Variants in DCDC2 observed in about 807,000 individuals in gnomAD.
The protein encoded by DCDC2 is doublecortin domain containing 2.
A neutral mutation model predicts 50.2 loss-of-function variants in DCDC2; 40 were observed. That is an observed-to-expected ratio of 0.80 (90% CI 0.62 to 1.04). The LOEUF is 1.04. DCDC2 is among the 50% of genes least tolerant of loss of function. The pLI, the probability that DCDC2 is intolerant of heterozygous loss-of-function variation, is 0.00. For missense variants in DCDC2, 570 were observed against 581.9 expected, an observed-to-expected ratio of 0.98 and a Z score of 0.21; for synonymous variants, 234 against 210.6, an observed-to-expected ratio of 1.11 and a Z score of -0.96.
At chr6:24,212,698 C>CT (rs373530855) in intron 7 of DCDC2, among the ~76,000 whole-genome samples, 47 of 152,316 alleles carry the variant, frequency 3.1e-4, no homozygotes, top group African/African-American at 1.1e-3. Context: ...CAGCTCTCAT[C>CT]TTTTTTTCTT....
chr6:24,272,948 G>A (rs1288564021), intron 7 of DCDC2, among the ~76,000 whole-genome samples: 1 of 151,828 alleles, frequency 6.6e-6, no homozygotes, highest in East Asian at 1.9e-4. Context: ...GCAAAGATAT[G>A]GAATCAACCT....
intron 8 of DCDC2, among the ~76,000 whole-genome samples, chr6:24,198,252 GT>G (rs1761490138): frequency 6.7e-6 from 1 of 150,364 alleles, no homozygotes; most frequent in South Asian, 2.1e-4. Context: ...GCAGCTCCCA[GT>G]GAGATCAACA....
At chr6:24,278,027 A>T in intron 7 of DCDC2, 22 bp downstream of exon 7, 1 of 1,574,258 alleles carries the variant, frequency 6.4e-7, no homozygotes, top group Non-Finnish European at 8.7e-7. Flanking sequence ...TCACAGCCTT[A>T]AGATAATAAT....
the DCDC2 span, among the ~76,000 whole-genome samples, chr6:24,368,293 A>T: frequency 6.6e-6 from 1 of 152,186 alleles, no homozygotes; most frequent in Non-Finnish European, 1.5e-5. Flanking sequence ...AGAGGCATTA[A>T]CTAAAGTTTT....
At chr6:24,269,982 A>G (rs1312879652) in intron 7 of DCDC2, among the ~76,000 whole-genome samples, 2 of 152,116 alleles carry the variant, frequency 1.3e-5, no homozygotes, top group East Asian at 1.9e-4. Context: ...TAAAAAGTTA[A>G]TATGAAATAG....
chr6:24,269,084 A>C (rs1281935106), intron 7 of DCDC2, among the ~76,000 whole-genome samples: 1 of 152,258 alleles, frequency 6.6e-6, no homozygotes, highest in Non-Finnish European at 1.5e-5. Flanking sequence ...TTTGAAAATA[A>C]CTAGGGCAAT....
chr6:24,316,622 A>G (rs1249467233), intron 2 of DCDC2, among the ~76,000 whole-genome samples: 1 of 152,178 alleles, frequency 6.6e-6, no homozygotes, highest in Non-Finnish European at 1.5e-5. Flanking sequence ...TACTGATAAC[A>G]TTTTAAATTA....
intron 7 of DCDC2, among the ~76,000 whole-genome samples, chr6:24,263,098 C>G (rs370578665): frequency 9.9e-5 from 15 of 152,244 alleles, no homozygotes; most frequent in East Asian, 9.6e-4. Context: ...GCAGGGAATT[C>G]TCTTGGATCT....
intron 7 of DCDC2, among the ~76,000 whole-genome samples, chr6:24,235,777 CT>C (rs1762430277): frequency 6.6e-6 from 1 of 152,128 alleles, no homozygotes; most frequent in South Asian, 2.1e-4. Context: ...TACAAAAGCA[CT>C]GTACAAAAAT....
chr6:24,335,306 A>G (rs1466784121), intron 2 of DCDC2, among the ~76,000 whole-genome samples: 2 of 152,194 alleles, frequency 1.3e-5, no homozygotes, highest in East Asian at 3.8e-4. Flanking sequence ...CGATAACTAA[A>G]GAGACTTGAG....
chr6:24,355,527 G>A (rs2127256350), intron 1 of DCDC2, among the ~76,000 whole-genome samples: 1 of 152,270 alleles, frequency 6.6e-6, no homozygotes, highest in East Asian at 1.9e-4. Flanking sequence ...TTTTATCACA[G>A]CCCTGTGTGG....
At chr6:24,176,189 A>T (rs146348254) in intron 9 of DCDC2, among the ~76,000 whole-genome samples, 83 of 152,244 alleles carry the variant, frequency 5.5e-4, no homozygotes, top group African/African-American at 1.8e-3. Context: ...CAGCTATCAC[A>T]GGAGGATGAA....
intron 2 of DCDC2, among the ~76,000 whole-genome samples, chr6:24,332,994 A>T (rs920402510): frequency 6.6e-6 from 1 of 152,222 alleles, no homozygotes; most frequent in African/African-American, 2.4e-5. Flanking sequence ...GGCCTGATGT[A>T]TATCAATAAT....
rs1408345163 is a variant in DCDC2 at position 24,172,938 on chromosome 6, A to G, written c.*1792T>C. 1 of 151,728 alleles carries G rather than the reference A, an allele frequency of 6.6e-6. No homozygotes were observed. Among genetic ancestry groups the G allele is most frequent in the African/African-American group, 2.4e-5 (1 of 41,334 alleles). 9.4% of individuals were successfully genotyped at this position (151,728 alleles called of 1,614,324 possible). A position where few individuals can be genotyped will look rare whatever the true frequency, so the allele number is the denominator to read the frequency against. ...GAGGCAGAGGTTGCAGTAAGCCAAG[A>G]TCATGCCACTGCACCCAGCCTGGGC... On this transcript the variant is annotated 3_prime_UTR_variant, in exon 10 of 10. Transcript: ENST00000378454.
At chr6:24,215,547 T>C (rs1311825913) in intron 7 of DCDC2, among the ~76,000 whole-genome samples, 1 of 152,028 alleles carries the variant, frequency 6.6e-6, no homozygotes, top group African/African-American at 2.4e-5. Flanking sequence ...CTGATATTGC[T>C]GAGGTGGAGA....
upstream of DCDC2, among the ~76,000 whole-genome samples, chr6:24,358,835 A>ATATTTTATT (rs377077797): frequency 3.4e-5 from 2 of 59,352 alleles, 1 homozygote; most frequent in African/African-American, 1.4e-4. Flanking sequence ...TTATATTTAT[A>ATATTTTATT]TATATATTTA....
chr6:24,319,190 G>A (rs1251255568), intron 2 of DCDC2, among the ~76,000 whole-genome samples: 1 of 151,898 alleles, frequency 6.6e-6, no homozygotes, highest in South Asian at 2.1e-4. Context: ...CAGTGACGTT[G>A]AGCAGTTTTT....
intron 8 of DCDC2, among the ~76,000 whole-genome samples, chr6:24,198,808 T>C (rs1356568251): frequency 6.6e-6 from 1 of 152,128 alleles, no homozygotes; most frequent in Non-Finnish European, 1.5e-5. Flanking sequence ...CCTGGGACAC[T>C]CAAGCTTGGT....
Position 24,252,819 on chromosome 6 carries a change from A to G in DCDC2, c.922+25230T>C, listed in dbSNP as rs545209195. Among the ~76,000 whole-genome samples the G allele has an allele frequency of 7.0e-4, 106 of 152,326 alleles. 1 individual carries two copies. Among genetic ancestry groups the G allele is most frequent in the African/African-American group, 2.5e-3 (103 of 41,574 alleles). On this transcript the variant is annotated intron_variant, in intron 7 of 9. Transcript: ENST00000378454. ...CTGAGCCATAATGCAAGTCTCAACA[A>G]TACAAAGAGACTAAAATTATTTATG...
Sources: gnomAD v4.1 joint callset for allele counts (sites outside exome capture counted in the v4.1 genomes callset) on GRCh38, gnomAD v4.1.1 for gene constraint, MANE v1.5 for transcripts, NCBI Gene and HGNC (gene_info 2026-07-23, HGNC 2026-07-21) for gene names.